The following DDC variants were observed in gnomAD, a reference collection of about 807,000 sequenced individuals.
DDC encodes the protein dopa decarboxylase.
A neutral mutation model predicts 60.0 loss-of-function variants in DDC; 43 were observed. The ratio of observed to expected loss-of-function variants is 0.72; its 90% CI spans 0.56 to 0.92. DDC has a LOEUF of 0.92. Among genes scored for constraint, DDC ranks in the 40% least tolerant of loss-of-function variants. The pLI is 0.00. For synonymous variants in DDC, 232 were observed against 234.6 expected, an observed-to-expected ratio of 0.99 and a Z score of 0.10; for missense variants, 573 against 620.2, an observed-to-expected ratio of 0.92 and a Z score of 0.81.
rs556976155 is a variant in DDC, at chr7:50,509,997, G to C, written c.715-5938C>G. ...CGTATCTTTTTTTTTTTGAGACGGA[G>C]TCTCACTCTGCTGCCCAGGCTGGAG... On this transcript the variant is annotated intron_variant, in intron 6 of 14. Transcript: ENST00000444124. 3.3e-5 allele frequency among the ~76,000 whole-genome samples: 5 copies of C among 151,026 alleles called. 1 individual carries two copies. The South Asian group carries it at 1.0e-3, about 32-fold the overall frequency.
chr7:50,526,709 A>G (rs758154571), intron 6 of DDC, among the ~76,000 whole-genome samples: 1 of 152,208 alleles, frequency 6.6e-6, no homozygotes, highest in Admixed American at 6.5e-5. Context: ...GCAACAATCA[A>G]TGCTGCTTTC....
At chr7:50,459,395 G>C (rs1431913643) in intron 14 of DDC, among the ~76,000 whole-genome samples, 1 of 152,172 alleles carries the variant, frequency 6.6e-6, no homozygotes, top group African/African-American at 2.4e-5. Context: ...TGGGAAGTGC[G>C]GAGCGTCTCT....
intron 6 of DDC, among the ~76,000 whole-genome samples, chr7:50,514,784 A>G (rs1036479131): frequency 6.6e-6 from 1 of 152,126 alleles, no homozygotes; most frequent in Admixed American, 6.6e-5. Context: ...TGCTCTGGAA[A>G]GTCTCAGCAA....
intron 6 of DDC, among the ~76,000 whole-genome samples, chr7:50,506,745 A>G (rs1180622695): frequency 2.6e-5 from 4 of 152,210 alleles, no homozygotes; most frequent in Non-Finnish European, 5.9e-5. Context: ...TATTTTTCTT[A>G]CCTACAAAGC....
chr7:50,466,743 A>G (rs2153533682), intron 13 of DDC, among the ~76,000 whole-genome samples: 1 of 152,330 alleles, frequency 6.6e-6, no homozygotes, highest in East Asian at 1.9e-4. Context: ...AGTGTCAAAC[A>G]GACTCCTGTG....
chr7:50,464,355 G>A (rs1562978403), intron 13 of DDC, among the ~76,000 whole-genome samples: 1 of 152,120 alleles, frequency 6.6e-6, no homozygotes, highest in African/African-American at 2.4e-5. Context: ...CTGGCCTCTA[G>A]CTATGGGCCT....
rs1414536209 is a variant in DDC at position 50,539,977 on chromosome 7, A to G, written c.253T>C (p.Ser85Pro). The change falls in exon 3 of 15, where the codon TCG (serine) becomes CCG (proline). Residue 85 changes from serine to proline, a missense_variant. Ser to Pro is a moderately conservative substitution (Grantham distance 74, BLOSUM62 -1). Coordinates refer to ENST00000444124, the MANE Select transcript of DDC (RefSeq NM_001082971.2). ...ATGTCCGCAAGCATGGCCGGGTACG[A>G]GCTGGCAGTGGGGAAGTAGGCGAAG... The part of the protein sequence containing the change: ...YFFAYFPTAS[S>P]YPAMLADMLC... 6.2e-7 allele frequency: 1 copy of G among 1,614,030 alleles called. No individual in the cohort carries two copies. Among genetic ancestry groups the G allele is most frequent in the Non-Finnish European group, 8.5e-7 (1 of 1,179,984 alleles).
At chr7:50,541,099 C>T (rs2044615060) in intron 2 of DDC, among the ~76,000 whole-genome samples, 1 of 152,226 alleles carries the variant, frequency 6.6e-6, no homozygotes, top group Admixed American at 6.5e-5. Context: ...AATTGCCATT[C>T]AGACCCCTCT....
chr7:50,491,602 T>C (rs6963996), intron 9 of DDC, among the ~76,000 whole-genome samples: 117,193 of 152,158 alleles, frequency 0.77, 45,320 homozygotes, highest in Admixed American at 0.83. Flanking sequence ...ATAAGCTGGA[T>C]GCTTTCATGC....
intron 6 of DDC, 113 bp from the exon 7 acceptor site, chr7:50,504,172 C>T (rs1585196624): frequency 2.6e-6 from 2 of 760,978 alleles, no homozygotes; most frequent in East Asian, 2.6e-5. Context: ...AGCCGAGATC[C>T]CAATGAATGT....
At chr7:50,534,280 TG>T (rs1485243246) in intron 4 of DDC, among the ~76,000 whole-genome samples, 2 of 152,178 alleles carry the variant, frequency 1.3e-5, no homozygotes, top group African/African-American at 2.4e-5. Context: ...TCAGAAGGCC[TG>T]CTCCTTTTCC....
intron 7 of DDC, among the ~76,000 whole-genome samples, chr7:50,503,701 C>T (rs1299317483): frequency 6.6e-6 from 1 of 152,184 alleles, no homozygotes; most frequent in Non-Finnish European, 1.5e-5. Context: ...GTTTATTCTC[C>T]TCAACAGGGC....
intron 9 of DDC, among the ~76,000 whole-genome samples, chr7:50,480,471 G>C (rs1260123813): frequency 6.6e-6 from 1 of 152,170 alleles, no homozygotes; most frequent in East Asian, 1.9e-4. Flanking sequence ...CTGAACCTGG[G>C]GCAAGGGTTA....
intron 8 of DDC, among the ~76,000 whole-genome samples, chr7:50,497,387 AAAG>A (rs1339483995): frequency 6.6e-6 from 1 of 152,206 alleles, no homozygotes; most frequent in Admixed American, 6.5e-5. Flanking sequence ...TTCTTGGGGA[AAAG>A]AAGAGCAGTG....
chr7:50,474,378 T>A (rs185976594), intron 11 of DDC, among the ~76,000 whole-genome samples: 44 of 152,198 alleles, frequency 2.9e-4, no homozygotes, highest in Middle Eastern at 6.8e-3. Flanking sequence ...CCCATGAGGG[T>A]CAGGGACTGG....
chr7:50,460,320 G>T (rs1490609899), intron 14 of DDC, among the ~76,000 whole-genome samples: 14 of 143,208 alleles, frequency 9.8e-5, no homozygotes, highest in African/African-American at 1.3e-4. Context: ...GAAGTGAGGA[G>T]CCCCTCTGCC....
chr7:50,511,121 A>T (rs2043564967), intron 6 of DDC, among the ~76,000 whole-genome samples: 1 of 150,906 alleles, frequency 6.6e-6, no homozygotes, highest in Admixed American at 6.6e-5. Context: ...GAGTTCATAA[A>T]ATATGAATTT....
intron 6 of DDC, chr7:50,527,615 T>G (rs1044947506): frequency 1.2e-5 from 2 of 161,378 alleles, no homozygotes; most frequent in African/African-American, 4.8e-5. Flanking sequence ...GGACCTTACC[T>G]CCCCGCACAT....
intron 7 of DDC, among the ~76,000 whole-genome samples, chr7:50,503,049 C>T (rs1398312053): frequency 6.6e-6 from 1 of 152,228 alleles, no homozygotes; most frequent in Non-Finnish European, 1.5e-5. Flanking sequence ...GGAGGGTCCA[C>T]TCCTCTGAGT....
Sources: allele counts gnomAD v4.1 joint callset (sites outside exome capture counted in the v4.1 genomes callset), GRCh38; gene constraint gnomAD v4.1.1; transcripts MANE v1.5; gene names NCBI Gene and HGNC (gene_info 2026-07-23, HGNC 2026-07-21).